Variants in AGBL1 observed in about 807,000 individuals in gnomAD.
The protein encoded by AGBL1 is cytosolic carboxypeptidase 4.
AGBL1 carries 130 observed loss-of-function variants against 118.9 expected under a neutral mutation model. The observed-to-expected ratio is 1.09, with a 90% CI of 0.95 to 1.26. The LOEUF is 1.26. AGBL1 is among the 50% of genes most tolerant of loss of function. The pLI is 0.00. For missense variants in AGBL1, 1,584 were observed against 1,298.1 expected (o/e 1.22, Z -3.38); for synonymous variants, 555 against 478.9 (o/e 1.16, Z -2.08).
chr15:86,500,933 T>A (rs2082910860), intron 18 of AGBL1, among the ~76,000 whole-genome samples: 1 of 151,746 alleles, frequency 6.6e-6, no homozygotes, highest in Non-Finnish European at 1.5e-5. Flanking sequence ...TCTTTCTGAC[T>A]GATAGGAGTA....
intron 22 of AGBL1, among the ~76,000 whole-genome samples, chr15:86,694,580 C>T (rs2086223831): frequency 6.6e-6 from 1 of 151,902 alleles, no homozygotes; most frequent in Admixed American, 6.6e-5. Flanking sequence ...ATTTGGATGC[C>T]ATTTATTTCT....
chr15:86,116,010 A>G (rs1897731029), intron 1 of AGBL1, among the ~76,000 whole-genome samples: 2 of 152,204 alleles, frequency 1.3e-5, no homozygotes, highest in African/African-American at 4.8e-5. Flanking sequence ...TCCAACTAAA[A>G]TTCTCTTATA....
At chr15:86,882,752 C>T (rs940319266) in intron 22 of AGBL1, among the ~76,000 whole-genome samples, 9 of 152,216 alleles carry the variant, frequency 5.9e-5, no homozygotes, top group Admixed American at 2.0e-4. Context: ...TGTAACTAAA[C>T]GACAACTCAC....
chr15:86,662,123 G>T (rs571306468), intron 21 of AGBL1, among the ~76,000 whole-genome samples: 14 of 152,146 alleles, frequency 9.2e-5, no homozygotes, highest in African/African-American at 3.1e-4. Flanking sequence ...AAAGATTTCA[G>T]CTGGAAAAAG....
chr15:86,831,329 G>C (rs2079101037), intron 22 of AGBL1, among the ~76,000 whole-genome samples: 1 of 152,110 alleles, frequency 6.6e-6, no homozygotes, highest in Non-Finnish European at 1.5e-5. Context: ...GTTCCTCAAA[G>C]TCTTAACTTA....
intron 18 of AGBL1, among the ~76,000 whole-genome samples, chr15:86,425,796 G>A (rs543978759): frequency 3.3e-5 from 5 of 152,266 alleles, no homozygotes; most frequent in Admixed American, 6.5e-5. Context: ...TGGGCTCTGG[G>A]TGTCTGTATT....
At chr15:86,181,153 T>C (rs1214568732) in intron 5 of AGBL1, among the ~76,000 whole-genome samples, 1 of 152,076 alleles carries the variant, frequency 6.6e-6, no homozygotes, top group Non-Finnish European at 1.5e-5. Flanking sequence ...CACACACTCC[T>C]CTTCTGGGTA....
intron 22 of AGBL1, among the ~76,000 whole-genome samples, chr15:86,776,897 T>C (rs2141299256): frequency 6.6e-6 from 1 of 152,096 alleles, no homozygotes; most frequent in African/African-American, 2.4e-5. Flanking sequence ...TTACTTAATA[T>C]GTGTTAAAAT....
chr15:86,110,922 T>C (rs749639072), intron 1 of AGBL1, among the ~76,000 whole-genome samples: 1 of 152,204 alleles, frequency 6.6e-6, no homozygotes, highest in Non-Finnish European at 1.5e-5. Context: ...ATCCCGAGTT[T>C]TCCCAATACA....
chr15:86,499,834 C>A (rs907116317), intron 18 of AGBL1, among the ~76,000 whole-genome samples: 4 of 151,868 alleles, frequency 2.6e-5, no homozygotes, highest in African/African-American at 4.8e-5. Flanking sequence ...GACACAGTTT[C>A]AAGTGAGCAG....
At chr15:86,101,413 T>TTG (rs1486375820) in intron 1 of AGBL1, among the ~76,000 whole-genome samples, 2 of 152,004 alleles carry the variant, frequency 1.3e-5, no homozygotes, top group Non-Finnish European at 2.9e-5. Flanking sequence ...GGTTTTTTTT[T>TTG]TTGTTGTTGT....
intron 18 of AGBL1, among the ~76,000 whole-genome samples, chr15:86,418,156 T>C (rs1342834573): frequency 6.6e-6 from 1 of 152,204 alleles, no homozygotes; most frequent in Non-Finnish European, 1.5e-5. Flanking sequence ...GACAAGAATT[T>C]CTTTTATCTT....
chr15:86,569,754 G>A (rs1036803345), intron 21 of AGBL1, among the ~76,000 whole-genome samples: 1 of 152,146 alleles, frequency 6.6e-6, no homozygotes, highest in Non-Finnish European at 1.5e-5. Flanking sequence ...TGCCAGCAGG[G>A]ATCTTTCCTG....
intron 22 of AGBL1, among the ~76,000 whole-genome samples, chr15:86,799,171 C>T (rs867052520): frequency 1.4e-5 from 2 of 141,524 alleles, no homozygotes; most frequent in East Asian, 4.3e-4. Flanking sequence ...TTTTATTTTA[C>T]TTTATTTTAT....
intron 1 of AGBL1, among the ~76,000 whole-genome samples, chr15:86,106,657 CAAAGTTG>C (rs1897072177): frequency 6.6e-6 from 1 of 152,202 alleles, no homozygotes; most frequent in African/African-American, 2.4e-5. Flanking sequence ...TCAACAGTGC[CAAAGTTG>C]AGAACCCCAC....
At chr15:86,196,139 ATT>A (rs750800550) in intron 5 of AGBL1, among the ~76,000 whole-genome samples, 1 of 152,198 alleles carries the variant, frequency 6.6e-6, no homozygotes, top group Non-Finnish European at 1.5e-5. Flanking sequence ...TTTCAAATAA[ATT>A]ATATCATTTA....
intron 21 of AGBL1, among the ~76,000 whole-genome samples, chr15:86,571,919 C>T (rs1250961035): frequency 3.3e-5 from 5 of 152,180 alleles, no homozygotes; most frequent in Non-Finnish European, 7.4e-5. Flanking sequence ...CACACCCAGG[C>T]TGTTCATGCT....
chr15:86,768,713 T>C (rs1000947193), intron 22 of AGBL1, among the ~76,000 whole-genome samples: 4 of 152,094 alleles, frequency 2.6e-5, no homozygotes, highest in Non-Finnish European at 4.4e-5. Flanking sequence ...GTTATAAAAA[T>C]TAAACCATAT....
intron 9 of AGBL1, among the ~76,000 whole-genome samples, chr15:86,259,440 G>A (rs1248932760): frequency 3.3e-5 from 5 of 152,118 alleles, no homozygotes; most frequent in African/African-American, 1.2e-4. Context: ...TACTGGGGAT[G>A]AAACTCAAAT....
Sources: allele counts gnomAD v4.1 joint callset (sites outside exome capture counted in the v4.1 genomes callset), GRCh38; gene constraint gnomAD v4.1.1; transcripts MANE v1.5; gene names NCBI Gene and HGNC (gene_info 2026-07-23, HGNC 2026-07-21).